ZNF385D: variants seen among roughly 807,000 people sequenced by gnomAD.
The protein encoded by ZNF385D is zinc finger protein 659.
ZNF385D carries 15 observed loss-of-function variants against 35.8 expected under a neutral mutation model. The observed-to-expected ratio is 0.42, with a 90% CI of 0.28 to 0.64. ZNF385D has a LOEUF of 0.64. Among genes scored for constraint, ZNF385D ranks in the 30% least tolerant of loss-of-function variants. ZNF385D has a pLI of 0.23. For missense variants in ZNF385D, 474 were observed against 494.6 expected, an observed-to-expected ratio of 0.96 and a Z score of 0.39; for synonymous variants, 212 against 186.8, an observed-to-expected ratio of 1.13 and a Z score of -1.10.
intron 4 of ZNF385D, among the ~76,000 whole-genome samples, chr3:21,482,217 C>A (rs2125380285): frequency 6.6e-6 from 1 of 152,224 alleles, no homozygotes; most frequent in Admixed American, 6.5e-5. Flanking sequence ...TTGACTCCTA[C>A]TAAGGGTGTG....
At chr3:21,681,298 T>TGAAAAAAAA (rs367942289) in intron 1 of ZNF385D, among the ~76,000 whole-genome samples, 4 of 64,472 alleles carry the variant, frequency 6.2e-5, no homozygotes, top group East Asian at 5.5e-4. Flanking sequence ...ATTCCATCAG[T>TGAAAAAAAA]AAAAAAAAAA....
At chr3:21,423,848 CA>C in intron 7 of ZNF385D, 114 bp downstream of exon 7, 1 of 936,558 alleles carries the variant, frequency 1.1e-6, no homozygotes, top group Non-Finnish European at 1.6e-6. Flanking sequence ...GAACTCAACT[CA>C]AAAAGGTAAA....
intron 3 of ZNF385D, among the ~76,000 whole-genome samples, chr3:21,964,869 T>C (rs142153490): frequency 1.3e-5 from 2 of 152,320 alleles, no homozygotes; most frequent in East Asian, 3.9e-4. Flanking sequence ...ATTATAAATA[T>C]ATTTGTAGAC....
chr3:22,277,213 G>A (rs529243009), intron 2 of ZNF385D, among the ~76,000 whole-genome samples: 3 of 152,140 alleles, frequency 2.0e-5, no homozygotes, highest in Non-Finnish European at 2.9e-5. Flanking sequence ...GTTAGCAGTG[G>A]TGAGAGAAGC....
chr3:21,819,426 A>C (rs73042722), intron 3 of ZNF385D, among the ~76,000 whole-genome samples: 1 of 150,820 alleles, frequency 6.6e-6, no homozygotes, highest in Non-Finnish European at 1.5e-5. Flanking sequence ...GAGAAAGTAC[A>C]TACCACCCAA....
At chr3:22,318,327 G>A (rs951873725) in intron 2 of ZNF385D, among the ~76,000 whole-genome samples, 11 of 152,088 alleles carry the variant, frequency 7.2e-5, no homozygotes, top group African/African-American at 2.4e-4. Context: ...AATGGATGAA[G>A]ATGCAGGGAA....
chr3:22,169,570 A>G (rs1373162382), intron 2 of ZNF385D, among the ~76,000 whole-genome samples: 1 of 152,226 alleles, frequency 6.6e-6, no homozygotes, highest in Non-Finnish European at 1.5e-5. Flanking sequence ...CTACACATGC[A>G]AAGATACTAA....
At position 21,419,063 on chromosome 3, in the gene ZNF385D, T is replaced by C. The variant is rs1176534197; in HGVS notation, c.*2151A>G. On this transcript the variant is annotated 3_prime_UTR_variant, in exon 8 of 8. Transcript: ENST00000281523. ...CAAAACAAATTTTAATGCTAATCAA[T>C]ATATTTAACCAGAGAAGCATGGTTT... The C allele has an allele frequency of 6.6e-6, 1 of 152,270 alleles. No homozygotes were observed. 9.4% of individuals were successfully genotyped at this position (152,270 alleles called of 1,614,324 possible). A position where few individuals can be genotyped will look rare whatever the true frequency, so the allele number is the denominator to read the frequency against.
intron 2 of ZNF385D, among the ~76,000 whole-genome samples, chr3:21,599,667 A>T (rs1315857039): frequency 6.6e-6 from 1 of 152,218 alleles, no homozygotes; most frequent in Non-Finnish European, 1.5e-5. Context: ...AGCTGATAAG[A>T]AGTTACTTTA....
intron 4 of ZNF385D, among the ~76,000 whole-genome samples, chr3:21,461,779 T>C (rs1703194776): frequency 6.6e-6 from 1 of 152,230 alleles, no homozygotes; most frequent in South Asian, 2.1e-4. Flanking sequence ...TTTCAAATGC[T>C]CATGGAGAGG....
intron 2 of ZNF385D, among the ~76,000 whole-genome samples, chr3:22,324,729 A>G (rs1295223066): frequency 6.6e-6 from 1 of 152,220 alleles, no homozygotes; most frequent in Admixed American, 6.5e-5. Flanking sequence ...CAGCATTTTG[A>G]AAAAAGAAAT....
At chr3:21,916,107 G>T (rs546465011) in intron 3 of ZNF385D, among the ~76,000 whole-genome samples, 3 of 152,162 alleles carry the variant, frequency 2.0e-5, no homozygotes, top group South Asian at 2.1e-4. Context: ...AATATTGAAG[G>T]TATATTAGGG....
At chr3:22,135,959 T>C (rs963318726) in intron 3 of ZNF385D, among the ~76,000 whole-genome samples, 5 of 152,174 alleles carry the variant, frequency 3.3e-5, no homozygotes, top group South Asian at 2.1e-4. Context: ...TCACACTTTA[T>C]ATAAAAATCA....
rs973080659 is a variant in ZNF385D, at chr3:21,471,677, T to C, written c.440-34474A>G. On this transcript the variant is annotated intron_variant, in intron 4 of 7. Coordinates refer to ENST00000281523, the MANE Select transcript of ZNF385D (RefSeq NM_024697.3). Reference sequence around the variant, plus strand: ...AACATCAAAATATTTTTTGTTACAGTCAGTTTTGTCTTATTTGAAATAGCT... The same window carrying C: ...AACATCAAAATATTTTTTGTTACAGCCAGTTTTGTCTTATTTGAAATAGCT... Among the ~76,000 whole-genome samples, 6 of 152,268 alleles carry C rather than the reference T, an allele frequency of 3.9e-5. No homozygotes were observed. In the East Asian group the frequency reaches 1.2e-3, roughly 29 times the overall value.
chr3:21,742,821 T>C (rs1183997503), intron 1 of ZNF385D, among the ~76,000 whole-genome samples: 1 of 152,174 alleles, frequency 6.6e-6, no homozygotes, highest in Non-Finnish European at 1.5e-5. Context: ...ATATACCAAA[T>C]TATCTACATT....
At chr3:21,482,680 A>G (rs111518526) in intron 4 of ZNF385D, among the ~76,000 whole-genome samples, 6,658 of 152,222 alleles carry the variant, frequency 0.044, 367 homozygotes, top group African/African-American at 0.13. Flanking sequence ...TCTAGACATC[A>G]AATTAGGTCA....
rs569865905 is a variant in ZNF385D at position 22,354,124 on chromosome 3, G to C, written c.106+18326C>G. On this transcript the variant is annotated intron_variant, in intron 2 of 5. Transcript: ENST00000494108. ...ATCCCCTCTGCTGAATGTGGAAAGA[G>C]AAACATAGTTATACTGATTACTGGA... Among the ~76,000 whole-genome samples the C allele has an allele frequency of 2.0e-5, 3 of 152,174 alleles. No individual in the cohort carries two copies. In the South Asian group the frequency reaches 6.2e-4, roughly 32 times the overall value.
At chr3:21,745,651 G>C (rs1437963548) in intron 1 of ZNF385D, among the ~76,000 whole-genome samples, 3 of 152,206 alleles carry the variant, frequency 2.0e-5, no homozygotes, top group Non-Finnish European at 4.4e-5. Context: ...GAAATGATAT[G>C]TAATGGCTTC....
rs964499612 is a variant in ZNF385D, at chr3:21,686,496, T to A, written c.23-21468A>T. Among the ~76,000 whole-genome samples the A allele has an allele frequency of 4.5e-4, 68 of 152,220 alleles. 1 individual carries two copies. Among genetic ancestry groups the A allele is most frequent in the Admixed American group, 4.4e-3 (67 of 15,280 alleles). Reference sequence around the variant, plus strand: ...TGAGTCACATATGCATTTTTGAATTTCCTAGTAGCCACACCAAAAAGTAAA... The same window carrying A: ...TGAGTCACATATGCATTTTTGAATTACCTAGTAGCCACACCAAAAAGTAAA... On this transcript the variant is annotated intron_variant, in intron 1 of 7. Coordinates refer to ENST00000281523, the MANE Select transcript of ZNF385D (RefSeq NM_024697.3).
Sources: allele counts gnomAD v4.1 joint callset (sites outside exome capture counted in the v4.1 genomes callset), GRCh38; gene constraint gnomAD v4.1.1; transcripts MANE v1.5; gene names NCBI Gene and HGNC (gene_info 2026-07-23, HGNC 2026-07-21).